Variants in RPF2 observed in about 807,000 individuals in gnomAD.
RPF2 encodes the protein brix domain containing 1.
A neutral mutation model predicts 38.9 loss-of-function variants in RPF2; 21 were observed. The ratio of observed to expected loss-of-function variants is 0.54; its 90% CI spans 0.38 to 0.78. RPF2 has a LOEUF of 0.78. RPF2 is among the 30% of genes least tolerant of loss of function. The pLI is 0.00. For synonymous variants in RPF2, 121 were observed against 126.2 expected, an observed-to-expected ratio of 0.96 and a Z score of 0.28; for missense variants, 314 against 358.1, an observed-to-expected ratio of 0.88 and a Z score of 0.99.
At chr6:111,021,875 G>A (rs889769851) in intron 8 of RPF2, among the ~76,000 whole-genome samples, 3 of 152,154 alleles carry the variant, frequency 2.0e-5, no homozygotes, top group African/African-American at 7.2e-5. Flanking sequence ...GATAAATGAG[G>A]TTTATAAAAT....
chr6:110,987,741 T>C (rs1470004301), intron 2 of RPF2, among the ~76,000 whole-genome samples: 2 of 152,220 alleles, frequency 1.3e-5, no homozygotes, highest in East Asian at 3.8e-4. Context: ...TGATAGTTGA[T>C]GAATGATTAT....
chr6:110,996,459 G>T (rs569736333), intron 4 of RPF2, among the ~76,000 whole-genome samples: 1 of 152,264 alleles, frequency 6.6e-6, no homozygotes, highest in South Asian at 2.1e-4. Flanking sequence ...ACAGTGCTGG[G>T]ATTACTGGCA....
At chr6:111,004,015 G>C (rs1336363396) in intron 6 of RPF2, among the ~76,000 whole-genome samples, 3 of 151,956 alleles carry the variant, frequency 2.0e-5, no homozygotes, top group Admixed American at 2.0e-4. Flanking sequence ...GTTTCATCAT[G>C]TTAGTCAGGC....
At chr6:111,005,573 A>C (rs1286685200) in intron 6 of RPF2, among the ~76,000 whole-genome samples, 2 of 152,068 alleles carry the variant, frequency 1.3e-5, no homozygotes, top group Non-Finnish European at 2.9e-5. Context: ...GCTTATGTAA[A>C]ATTATATTAC....
intron 6 of RPF2, among the ~76,000 whole-genome samples, chr6:111,003,327 G>A (rs904349969): frequency 1.3e-5 from 2 of 151,700 alleles, no homozygotes; most frequent in African/African-American, 4.8e-5. Flanking sequence ...GTCTTGCTCC[G>A]TCACCCAGGC....
At chr6:111,020,739 T>C (rs1327854261) in intron 8 of RPF2, among the ~76,000 whole-genome samples, 2 of 152,032 alleles carry the variant, frequency 1.3e-5, no homozygotes, top group Non-Finnish European at 2.9e-5. Flanking sequence ...TGTGCACCTG[T>C]AATCCCAGCT....
At chr6:111,011,276 TTTTCTTTCTTTCTTTCTTTC>T (rs71553323) in intron 7 of RPF2, among the ~76,000 whole-genome samples, 1 of 133,578 alleles carries the variant, frequency 7.5e-6, no homozygotes, top group East Asian at 2.1e-4. Flanking sequence ...TCAAGGGTAT[TTTTCTTTCTTTCTTTCTTTC>T]TTTCTTTCTT....
chr6:111,020,586 G>C (rs1772214155), intron 8 of RPF2, among the ~76,000 whole-genome samples: 1 of 152,236 alleles, frequency 6.6e-6, no homozygotes, highest in Non-Finnish European at 1.5e-5. Flanking sequence ...AACTGGCCCA[G>C]CGTGGTGGCT....
At chr6:111,011,389 G>A (rs1772012280) in intron 7 of RPF2, among the ~76,000 whole-genome samples, 1 of 145,958 alleles carries the variant, frequency 6.9e-6, no homozygotes, top group Admixed American at 6.8e-5. Context: ...CCAGGGTCAA[G>A]CAATTCTCTT....
At chr6:111,000,218 A>T (rs879604093) in intron 6 of RPF2, among the ~76,000 whole-genome samples, 2 of 151,976 alleles carry the variant, frequency 1.3e-5, no homozygotes, top group Admixed American at 1.3e-4. Flanking sequence ...CAATTCTCCT[A>T]CCTCAACCCC....
rs1234876219 is a variant in RPF2 at position 111,024,179 on chromosome 6, A to G, written c.597-4A>G. The G allele has an allele frequency of 1.3e-6, 2 of 1,584,858 alleles. No individual in the cohort carries two copies. Among genetic ancestry groups the G allele is most frequent in the African/African-American group, 2.7e-5 (2 of 73,212 alleles). ...CAACATTTCTTTTTACCTATTTCCT[A>G]AAGGTTGCTGTTGAAGAAATCTGGT... On this transcript the variant is annotated splice_region_variant and splice_polypyrimidine_tract_variant and intron_variant, in intron 8 of 9. Transcript: ENST00000441448.
At chr6:110,994,727 G>GTATATATATATATATA (rs147149680) in intron 4 of RPF2, among the ~76,000 whole-genome samples, 2,617 of 106,416 alleles carry the variant, frequency 0.025, 96 homozygotes, top group African/African-American at 0.087. Context: ...AATGGGATGA[G>GTATATATATATATATA]TATATATACA....
intron 7 of RPF2, among the ~76,000 whole-genome samples, chr6:111,009,510 T>G (rs887976246): frequency 6.6e-6 from 1 of 152,068 alleles, no homozygotes; most frequent in African/African-American, 2.4e-5. Flanking sequence ...ATTTTTACTT[T>G]ATTACCATCA....
At chr6:110,997,048 C>T (rs569770698) in intron 4 of RPF2, 135 bp from the exon 5 acceptor site, 46 of 629,422 alleles carry the variant, frequency 7.3e-5, no homozygotes, top group Admixed American at 3.6e-4. Flanking sequence ...GTAATCAACT[C>T]GCCTCGGCGT....
intron 4 of RPF2, 47 bp from the exon 5 acceptor site, chr6:110,997,136 T>A (rs1280142233): frequency 8.3e-7 from 1 of 1,211,376 alleles, no homozygotes. Flanking sequence ...ATTCTTAAAG[T>A]TCTTAAATTT....
In RPF2 at chr6:111,024,189, G is replaced by A. The variant is rs367927604; in HGVS notation, c.603G>A (p.Leu201=). 1.3e-6 allele frequency: 2 copies of A among 1,594,206 alleles called. No individual in the cohort carries two copies. The highest frequency in any genetic ancestry group is 1.7e-6 in the Non-Finnish European group (2 of 1,174,932). The change falls in exon 9 of 10, where the codon CTG becomes CTA. Residue 201 remains leucine, a synonymous_variant. Coordinates refer to ENST00000441448, the MANE Select transcript of RPF2 (RefSeq NM_032194.3). ...GKIYFRSYKL[L]LKKSGCRTPR... ...TTTTACCTATTTCCTAAAGGTTGCTGTTGAAGAAATCTGGTTGCAGAACAC... is the reference window on the plus strand; with the variant it reads ...TTTTACCTATTTCCTAAAGGTTGCTATTGAAGAAATCTGGTTGCAGAACAC...
At chr6:111,005,825 T>C (rs550828845) in intron 6 of RPF2, among the ~76,000 whole-genome samples, 1 of 152,126 alleles carries the variant, frequency 6.6e-6, no homozygotes, top group South Asian at 2.1e-4. Context: ...TGTTTGTTAT[T>C]GTTTTCTTGA....
chr6:110,986,696 G>T (rs1456926807), intron 2 of RPF2, among the ~76,000 whole-genome samples: 1 of 152,206 alleles, frequency 6.6e-6, no homozygotes, highest in African/African-American at 2.4e-5. Flanking sequence ...GCTCACACCT[G>T]TAATCCCAGC....
chr6:110,983,676 T>A (rs540081734), intron 1 of RPF2, among the ~76,000 whole-genome samples: 1 of 152,288 alleles, frequency 6.6e-6, no homozygotes, highest in African/African-American at 2.4e-5. Flanking sequence ...GTTTACTTGC[T>A]GTGTGATCTT....
Sources: gnomAD v4.1 joint callset for allele counts (sites outside exome capture counted in the v4.1 genomes callset) on GRCh38, gnomAD v4.1.1 for gene constraint, MANE v1.5 for transcripts, NCBI Gene and HGNC (gene_info 2026-07-23, HGNC 2026-07-21) for gene names.